Variants in PYGO1 observed in about 807,000 individuals in gnomAD.
PYGO1 encodes the protein pygopus family PHD finger 1, also known as pygopus homolog 1.
Under a neutral mutation model 29.5 loss-of-function variants are expected in PYGO1, and 6 were observed. The observed-to-expected ratio is 0.20, with a 90% confidence interval of 0.11 to 0.40. PYGO1 has a LOEUF of 0.40. Among genes scored for constraint, PYGO1 ranks in the 10% least tolerant of loss-of-function variants. PYGO1 has a pLI of 1.00. For missense variants in PYGO1, 515 were observed against 514.9 expected, an observed-to-expected ratio of 1.00 and a Z score of 0.00; for synonymous variants, 186 against 180.5, an observed-to-expected ratio of 1.03 and a Z score of -0.24.
chr15:55,547,141 A>G lies in PYGO1; in HGVS notation c.142T>C (p.Ser48Pro), dbSNP rs746956079. Residue 48 changes from serine to proline, a missense_variant, in exon 3 of 3, where the codon TCT becomes CCT. Transcript: ENST00000563719. ...GCATACTCAGACAATGGAGGGAAAG[A>G]AGGTCCCTGAAATGAGAATGTAAAG... The part of the protein sequence containing the change: ...KKRKANTQGP[S>P]FPPLSEYAPP... 5 of 1,589,872 alleles carry G rather than the reference A, an allele frequency of 3.1e-6. No homozygotes were observed. In the South Asian group the frequency reaches 4.5e-5, roughly 14 times the overall value.
intron 1 of PYGO1, among the ~76,000 whole-genome samples, chr15:55,551,717 G>A (rs998495968): frequency 6.6e-6 from 1 of 152,048 alleles, no homozygotes; most frequent in Non-Finnish European, 1.5e-5. Context: ...TGAGGTGGGA[G>A]GATCTCTTGA....
rs115430674 is a variant in PYGO1 at position 55,549,822 on chromosome 15, A to G, written c.50-827T>C. ...AAACATTTTATTATGGAGAATTCTG[A>G]ACATATACAACATACAGAGAAGAAT... On this transcript the variant is annotated intron_variant, in intron 1 of 2. Coordinates refer to ENST00000563719, the MANE Select transcript of PYGO1 (RefSeq NM_001367806.1). 5.6e-3 allele frequency among the ~76,000 whole-genome samples: 846 copies of G among 152,292 alleles called. 7 individuals are homozygous for G. The highest frequency in any genetic ancestry group is 0.019 in the African/African-American group (776 of 41,562).
rs1278867744 is a variant in PYGO1 at position 55,582,122 on chromosome 15, G to A, written c.49+5713C>T. ...CTCTGGAGGCTGAGGCAGGAGAATC[G>A]CTTGAACCTGGGAGGCAGAGGTTGC... On this transcript the variant is annotated intron_variant, in intron 1 of 2. Coordinates refer to ENST00000563719, the MANE Select transcript of PYGO1 (RefSeq NM_001367806.1). Among the ~76,000 whole-genome samples the A allele has an allele frequency of 3.4e-5, 5 of 147,990 alleles. 1 individual carries two copies. The highest frequency in any genetic ancestry group is 1.0e-4 in the African/African-American group (4 of 40,170).
intron 1 of PYGO1, among the ~76,000 whole-genome samples, chr15:55,557,827 T>C (rs1230238134): frequency 6.6e-6 from 1 of 152,198 alleles, no homozygotes; most frequent in Non-Finnish European, 1.5e-5. Context: ...AAATTAGGTA[T>C]TGATGGGACG....
chr15:55,563,252 A>C (rs2058940898), intron 1 of PYGO1, among the ~76,000 whole-genome samples: 1 of 152,120 alleles, frequency 6.6e-6, no homozygotes, highest in African/African-American at 2.4e-5. Flanking sequence ...CAACTCAAAG[A>C]AAACAACCTA....
intron 1 of PYGO1, among the ~76,000 whole-genome samples, chr15:55,559,013 A>C (rs1040404378): frequency 1.5e-4 from 23 of 152,224 alleles, no homozygotes; most frequent in Admixed American, 1.2e-3. Context: ...GAGCTTCTGC[A>C]CAGCAAAAGA....
chr15:55,558,205 A>G (rs2058915813), intron 1 of PYGO1, among the ~76,000 whole-genome samples: 1 of 152,198 alleles, frequency 6.6e-6, no homozygotes, highest in Admixed American at 6.5e-5. Flanking sequence ...TACACCAATA[A>G]CAGACAAACA....
At chr15:55,585,680 C>T (rs1242240176) in intron 1 of PYGO1, among the ~76,000 whole-genome samples, 1 of 152,154 alleles carries the variant, frequency 6.6e-6, no homozygotes, top group East Asian at 1.9e-4. Context: ...GCAGTTGGAA[C>T]AAAATGAAGA....
chr15:55,549,966 C>A (rs1316583744), intron 1 of PYGO1, among the ~76,000 whole-genome samples: 2 of 152,116 alleles, frequency 1.3e-5, no homozygotes, highest in Admixed American at 1.3e-4. Context: ...TTTCAGACAT[C>A]ATTTTATTGG....
In PYGO1 at chr15:55,587,861, T is replaced by C; in HGVS notation, c.23A>G (p.Asp8Gly). 1 of 1,495,414 alleles carries C rather than the reference T, an allele frequency of 6.7e-7. No individual in the cohort carries two copies. The highest frequency in any genetic ancestry group is 8.9e-7 in the Non-Finnish European group (1 of 1,125,504). 92.6% of individuals were successfully genotyped at this position (1,495,414 alleles called of 1,614,324 possible). Reference sequence around the variant, plus strand: ...TCGAACTCTCTTCAGCGAAATGGGATCCTTCTCCTGTTCTGCTGACATTAC... The same window carrying C: ...TCGAACTCTCTTCAGCGAAATGGGACCCTTCTCCTGTTCTGCTGACATTAC... MSAEQEKDPISLKRVRGG... is the reference protein window; with the variant it reads MSAEQEKGPISLKRVRGG... The change falls in exon 1 of 3, where the codon GAT (aspartate) becomes GGT (glycine). Residue 8 changes from aspartate to glycine, a missense_variant. By Grantham distance (94) the Asp-to-Gly change is moderately conservative (BLOSUM62 -1). Coordinates refer to ENST00000563719, the MANE Select transcript of PYGO1 (RefSeq NM_001367806.1).
At chr15:55,548,707 T>TAAAAAAAAAAAAAAAAAAAAA (rs60796044) in intron 2 of PYGO1, among the ~76,000 whole-genome samples, 3 of 55,448 alleles carry the variant, frequency 5.4e-5, no homozygotes, top group African/African-American at 8.3e-5. Context: ...AGAATCCACC[T>TAAAAAAAAAAAAAAAAAAAAA]AAAAAAAAAA....
rs61737322 is a variant in PYGO1 at position 55,546,306 on chromosome 15, G to C, written c.977C>G (p.Ser326Cys). Residue 326 changes from serine (S) to cysteine (C), a missense_variant, in exon 3 of 3, where the codon TCT (serine) becomes TGT (cysteine). Ser to Cys is a moderately radical substitution (Grantham distance 112). Coordinates refer to ENST00000563719, the MANE Select transcript of PYGO1 (RefSeq NM_001367806.1). ...ATGGCCATGACGGTTTGGGTGAAGA[G>C]AGGATTTATTGCTTTTTTCTGTGGT... ...ACTTEKSNKS[S>C]LHPNRHGHSS... is the part of the protein sequence containing the mutation. 3 of 1,614,216 alleles carry C rather than the reference G, an allele frequency of 1.9e-6. No individual in the cohort carries two copies. Among genetic ancestry groups the C allele is most frequent in the African/African-American group, 2.7e-5 (2 of 75,056 alleles).
intron 1 of PYGO1, among the ~76,000 whole-genome samples, chr15:55,584,245 G>A (rs754665002): frequency 4.6e-5 from 7 of 151,382 alleles, no homozygotes; most frequent in Non-Finnish European, 8.8e-5. Context: ...AGCCTCCCAC[G>A]TAGCTAAGAC....
chr15:55,547,526 C>T (rs2058858012), intron 2 of PYGO1, among the ~76,000 whole-genome samples: 1 of 152,104 alleles, frequency 6.6e-6, no homozygotes, highest in Non-Finnish European at 1.5e-5. Flanking sequence ...ACCTAAAATA[C>T]CTCTCATACA....
At position 55,539,799 on chromosome 15, in the gene PYGO1, T is replaced by G. The variant is rs1027452329; in HGVS notation, c.*6224A>C. The stretch of plus-strand genomic sequence containing the variant: ...AAAAGTACAAAATATACCATAACCA[T>G]GCCGAATATGATGCAGTATAGAGAT... On this transcript the variant is annotated 3_prime_UTR_variant, in exon 3 of 3. Transcript: ENST00000563719. 9 of 152,032 alleles carry G rather than the reference T, an allele frequency of 5.9e-5. No homozygotes were observed. The highest frequency in any genetic ancestry group is 1.9e-4 in the African/African-American group (8 of 41,436). 9.4% of individuals were successfully genotyped at this position (152,032 alleles called of 1,614,324 possible).
chr15:55,548,455 C>T (rs2058862304), intron 2 of PYGO1, among the ~76,000 whole-genome samples: 2 of 151,550 alleles, frequency 1.3e-5, no homozygotes, highest in South Asian at 2.1e-4. Flanking sequence ...CACCTGTAAT[C>T]CTAGCACTTT....
intron 1 of PYGO1, among the ~76,000 whole-genome samples, chr15:55,576,455 C>CAAA (rs71105896): frequency 1.5e-4 from 7 of 46,406 alleles, no homozygotes; most frequent in South Asian, 1.2e-3. Flanking sequence ...GACTCCGTCT[C>CAAA]AAAAAAAAAA....
chr15:55,587,569 G>A (rs1450711548), intron 1 of PYGO1, among the ~76,000 whole-genome samples: 1 of 151,962 alleles, frequency 6.6e-6, no homozygotes, highest in Non-Finnish European at 1.5e-5. Context: ...GGTGGGTGAG[G>A]AGGGGGTAAG....
chr15:55,548,240 G>A (rs1056064792), intron 2 of PYGO1, among the ~76,000 whole-genome samples: 11 of 151,890 alleles, frequency 7.2e-5, no homozygotes, highest in African/African-American at 2.7e-4. Context: ...GTCTGGTCTC[G>A]AACTCCTGGC....
Sources: gnomAD v4.1 joint callset for allele counts (sites outside exome capture counted in the v4.1 genomes callset) on GRCh38, gnomAD v4.1.1 for gene constraint, MANE v1.5 for transcripts, NCBI Gene and HGNC (gene_info 2026-07-23, HGNC 2026-07-21) for gene names.